PRKN: variants seen among roughly 807,000 people sequenced by gnomAD.
PRKN encodes the protein parkin RBR E3 ubiquitin protein ligase.
Under a neutral mutation model 59.5 loss-of-function variants are expected in PRKN, and 56 were observed. That is an observed-to-expected ratio of 0.94 (90% CI 0.76 to 1.18). The LOEUF (loss-of-function observed/expected upper bound fraction) is 1.18. Among genes scored for constraint, PRKN ranks in the 50% most tolerant of loss-of-function variants. The pLI, the probability that PRKN is intolerant of heterozygous loss-of-function variation, is 0.00. For synonymous variants in PRKN, 250 were observed against 222.1 expected (o/e 1.13, Z -1.12); for missense variants, 657 against 596.4 (o/e 1.10, Z -1.06).
chr6:161,851,643 G>C (rs1021116312), intron 6 of PRKN, among the ~76,000 whole-genome samples: 1 of 151,630 alleles, frequency 6.6e-6, no homozygotes, highest in African/African-American at 2.4e-5. Context: ...CCACCACCAT[G>C]CCTGGCTAAT....
intron 4 of PRKN, among the ~76,000 whole-genome samples, chr6:162,061,818 C>T (rs1260147692): frequency 6.6e-6 from 1 of 152,194 alleles, no homozygotes; most frequent in African/African-American, 2.4e-5. Flanking sequence ...AGAATAATCG[C>T]TTTTCTTGTA....
chr6:162,689,169 G>T (rs1384325337), intron 1 of PRKN, among the ~76,000 whole-genome samples: 1 of 152,116 alleles, frequency 6.6e-6, no homozygotes, highest in Non-Finnish European at 1.5e-5. Flanking sequence ...TTCCTACAAG[G>T]GCTCTGCAAC....
intron 7 of PRKN, among the ~76,000 whole-genome samples, chr6:161,698,630 A>G (rs1786123072): frequency 6.6e-6 from 1 of 152,160 alleles, no homozygotes; most frequent in Non-Finnish European, 1.5e-5. Flanking sequence ...GATCAAGACA[A>G]AAGGATAGAG....
chr6:161,811,730 C>T (rs1303760672), intron 6 of PRKN, among the ~76,000 whole-genome samples: 1 of 152,098 alleles, frequency 6.6e-6, no homozygotes, highest in South Asian at 2.1e-4. Flanking sequence ...CAAGACCAGC[C>T]TGGCCAACAT....
rs112757150 is a variant in PRKN, at chr6:161,778,544, G to A, written c.871+7228C>T. On this transcript the variant is annotated intron_variant, in intron 7 of 11. Coordinates refer to ENST00000366898, the MANE Select transcript of PRKN (RefSeq NM_004562.3). ...TCCCCACGGGGGCTCAAAACAATTCGCACAGGCATTTTAAGCTGGGATGGT... is the reference window on the plus strand; with the variant it reads ...TCCCCACGGGGGCTCAAAACAATTCACACAGGCATTTTAAGCTGGGATGGT... Among the ~76,000 whole-genome samples, 674 of 152,242 alleles carry A rather than the reference G, an allele frequency of 4.4e-3. 9 individuals carry two copies. The highest frequency in any genetic ancestry group is 0.02 in the Middle Eastern group (6 of 294).
At chr6:162,352,467 A>G (rs939158158) in intron 2 of PRKN, among the ~76,000 whole-genome samples, 2 of 152,188 alleles carry the variant, frequency 1.3e-5, no homozygotes, top group African/African-American at 4.8e-5. Context: ...GCGCTGTTTT[A>G]GAAAAGATAA....
At chr6:161,633,501 T>C (rs527985984) in intron 7 of PRKN, among the ~76,000 whole-genome samples, 15 of 152,342 alleles carry the variant, frequency 9.8e-5, no homozygotes, top group African/African-American at 3.4e-4. Context: ...ATTAACATTA[T>C]TGACTTTTAA....
At chr6:162,495,694 C>T (rs1035830551) in intron 1 of PRKN, among the ~76,000 whole-genome samples, 5 of 152,174 alleles carry the variant, frequency 3.3e-5, no homozygotes, top group African/African-American at 9.6e-5. Flanking sequence ...CTCACTGTCA[C>T]TCAATTTTAA....
In PRKN at chr6:162,548,610, A is replaced by T. The variant is rs545113176; in HGVS notation, c.8-105137T>A. ...GGATTGTAATACAAACCAAAGAGAC[A>T]TTAATACAATTGTCCATTTCCTTTG... On this transcript the variant is annotated intron_variant, in intron 1 of 11. Coordinates refer to ENST00000366898, the MANE Select transcript of PRKN (RefSeq NM_004562.3). 2.0e-5 allele frequency among the ~76,000 whole-genome samples: 3 copies of T among 152,332 alleles called. No homozygotes were observed. The South Asian group carries it at 6.2e-4, about 32-fold the overall frequency.
chr6:162,107,941 G>A (rs1780263582), intron 4 of PRKN, among the ~76,000 whole-genome samples: 1 of 152,178 alleles, frequency 6.6e-6, no homozygotes, highest in Admixed American at 6.5e-5. Context: ...CAAAAGAAAG[G>A]AGGAAGGAAT....
chr6:161,696,039 A>G (rs531949692), intron 7 of PRKN, among the ~76,000 whole-genome samples: 8 of 152,200 alleles, frequency 5.3e-5, no homozygotes, highest in African/African-American at 7.2e-5. Context: ...ATTATTCCAA[A>G]GCATTACATA....
rs776461846 is a variant in PRKN at position 162,727,685 on chromosome 6, G to GC, written c.-18dup. On this transcript the variant is annotated 5_prime_UTR_variant, in exon 1 of 12. It introduces an in-frame stop codon into an upstream open reading frame of the 5' UTR. Transcript: ENST00000366898. ...ACCTATCATGGTCACTGGGTAGGTG[G>GC]CGGCTGCGGGCCAGGAACAGGCCCA... 66 of 1,572,822 alleles carry GC rather than the reference G, an allele frequency of 4.2e-5. 1 individual carries two copies. The highest frequency in any genetic ancestry group is 5.7e-5 in the Non-Finnish European group (66 of 1,160,456).
chr6:162,686,635 G>A (rs575515251), intron 1 of PRKN, among the ~76,000 whole-genome samples: 1 of 152,328 alleles, frequency 6.6e-6, no homozygotes, highest in South Asian at 2.1e-4. Flanking sequence ...AGCCTAGCTA[G>A]GCATGATGGC....
intron 3 of PRKN, among the ~76,000 whole-genome samples, chr6:162,237,038 A>G (rs943360569): frequency 7.2e-5 from 11 of 152,168 alleles, no homozygotes; most frequent in Non-Finnish European, 1.6e-4. Context: ...CCACTATTCG[A>G]ATAGCCCATC....
At chr6:161,563,496 A>G (rs1309798045) in intron 8 of PRKN, among the ~76,000 whole-genome samples, 1 of 152,170 alleles carries the variant, frequency 6.6e-6, no homozygotes. Flanking sequence ...TTAGTTTCCT[A>G]CAATGTGATA....
In PRKN at chr6:161,920,468, G is replaced by A. The variant is rs114473223; in HGVS notation, c.734+52834C>T. ...CACATGTGAACATGGAAAAGGTACAGTGAAAATACAGTATAAAAGATAAAA... is the reference window on the plus strand; with the variant it reads ...CACATGTGAACATGGAAAAGGTACAATGAAAATACAGTATAAAAGATAAAA... On this transcript the variant is annotated intron_variant, in intron 6 of 11. Coordinates refer to ENST00000366898, the MANE Select transcript of PRKN (RefSeq NM_004562.3). 5.0e-3 allele frequency among the ~76,000 whole-genome samples: 757 copies of A among 152,150 alleles called. 7 individuals are homozygous for A. Among genetic ancestry groups the A allele is most frequent in the African/African-American group, 0.018 (735 of 41,522 alleles).
At chr6:161,540,650 A>C (rs948585644) in intron 9 of PRKN, among the ~76,000 whole-genome samples, 7 of 152,304 alleles carry the variant, frequency 4.6e-5, no homozygotes, top group African/African-American at 1.7e-4. Context: ...AAAATAAAGC[A>C]AGCCATCTGA....
At chr6:161,433,544 C>A (rs926891856) in intron 9 of PRKN, among the ~76,000 whole-genome samples, 1 of 151,888 alleles carries the variant, frequency 6.6e-6, no homozygotes, top group Non-Finnish European at 1.5e-5. Flanking sequence ...AATATAAACA[C>A]ATGTTAGAGA....
intron 1 of PRKN, among the ~76,000 whole-genome samples, chr6:162,605,791 A>G (rs1260946925): frequency 6.6e-6 from 1 of 152,210 alleles, no homozygotes; most frequent in Non-Finnish European, 1.5e-5. Context: ...TTGTACAAAC[A>G]TTTTACAATG....
Sources: gnomAD v4.1 joint callset for allele counts (sites outside exome capture counted in the v4.1 genomes callset) on GRCh38, gnomAD v4.1.1 for gene constraint, MANE v1.5 for transcripts, NCBI Gene and HGNC (gene_info 2026-07-23, HGNC 2026-07-21) for gene names.